The following CRADD variants were observed in gnomAD, a reference collection of about 807,000 sequenced individuals.
The protein encoded by CRADD is death domain-containing protein CRADD.
Under a neutral mutation model 15.5 loss-of-function variants are expected in CRADD, and 9 were observed. That is an observed-to-expected ratio of 0.58 (90% CI 0.35 to 1.01). CRADD has a LOEUF of 1.01. Among genes scored for constraint, CRADD ranks in the 50% least tolerant of loss-of-function variants. CRADD has a pLI of 0.02. For missense variants in CRADD, 227 were observed against 250.3 expected (o/e 0.91, Z 0.63); for synonymous variants, 118 against 107.6 (o/e 1.10, Z -0.60).
chr12:93,713,640 A>T (rs1956112966), intron 2 of CRADD, among the ~76,000 whole-genome samples: 1 of 151,722 alleles, frequency 6.6e-6, no homozygotes, highest in African/African-American at 2.4e-5. Context: ...TAATGGTTGT[A>T]TTGTTATTGT....
At chr12:93,833,822 G>GT (rs34377955) in intron 2 of CRADD, among the ~76,000 whole-genome samples, 89,872 of 150,716 alleles carry the variant, frequency 0.6, 27,179 homozygotes, top group East Asian at 0.72. Context: ...TTCATTTTGT[G>GT]TTTTTTTTTC....
chr12:93,889,523 C>T (rs545371813), intron 2 of CRADD, among the ~76,000 whole-genome samples: 2 of 152,288 alleles, frequency 1.3e-5, no homozygotes, highest in African/African-American at 2.4e-5. Flanking sequence ...CATCCTCACC[C>T]CCTCACCCTT....
chr12:93,889,185 G>C (rs139886338), intron 2 of CRADD, among the ~76,000 whole-genome samples: 216 of 152,258 alleles, frequency 1.4e-3, no homozygotes, highest in Non-Finnish European at 2.5e-3. Context: ...GTTTGTGCTT[G>C]TCGGACCATA....
chr12:93,835,019 G>A (rs1246725821), intron 2 of CRADD, among the ~76,000 whole-genome samples: 1 of 152,178 alleles, frequency 6.6e-6, no homozygotes, highest in Non-Finnish European at 1.5e-5. Flanking sequence ...TATAAACACT[G>A]CATCCTTTAT....
At chr12:93,844,718 A>T (rs1355534024) in intron 2 of CRADD, among the ~76,000 whole-genome samples, 1 of 152,218 alleles carries the variant, frequency 6.6e-6, no homozygotes, top group East Asian at 1.9e-4. Context: ...CAACCAACAG[A>T]ACGAAAATGC....
intron 2 of CRADD, among the ~76,000 whole-genome samples, chr12:93,821,774 C>T (rs1010380159): frequency 5.3e-5 from 8 of 152,080 alleles, no homozygotes; most frequent in Middle Eastern, 3.2e-3. Context: ...TGTTGCAGGA[C>T]GGTAGGGAGT....
chr12:93,732,125 A>G (rs1336834267), intron 2 of CRADD, among the ~76,000 whole-genome samples: 2 of 151,314 alleles, frequency 1.3e-5, no homozygotes, highest in African/African-American at 4.9e-5. Context: ...GACAAGAGTG[A>G]AATTCCGTCT....
chr12:93,819,838 G>A (rs1957749382), intron 2 of CRADD, among the ~76,000 whole-genome samples: 1 of 152,196 alleles, frequency 6.6e-6, no homozygotes, highest in African/African-American at 2.4e-5. Flanking sequence ...GCCAACAGAA[G>A]ACTTCAAAAA....
intron 2 of CRADD, among the ~76,000 whole-genome samples, chr12:93,740,449 G>A (rs894180220): frequency 4.6e-5 from 7 of 151,868 alleles, no homozygotes; most frequent in East Asian, 1.9e-4. Context: ...ACTTTTTTTC[G>A]AAAACCAATT....
chr12:93,708,001 A>G (rs1184547759), intron 2 of CRADD: 4 of 152,378 alleles, frequency 2.6e-5, no homozygotes, highest in African/African-American at 7.2e-5. Flanking sequence ...GAAAGATGTC[A>G]GTCCTCTGAG....
intron 2 of CRADD, among the ~76,000 whole-genome samples, chr12:93,827,997 A>G (rs926726531): frequency 1.3e-5 from 2 of 152,220 alleles, no homozygotes; most frequent in African/African-American, 2.4e-5. Flanking sequence ...TCTTTCTGTG[A>G]CTGGCAAGCA....
At chr12:93,821,744 G>A (rs1202800935) in intron 2 of CRADD, among the ~76,000 whole-genome samples, 1 of 152,150 alleles carries the variant, frequency 6.6e-6, no homozygotes, top group Middle Eastern at 3.2e-3. Context: ...TTTGAGAGGG[G>A]CACAGCCTCT....
chr12:93,701,407 C>T (rs1035169871), intron 2 of CRADD, among the ~76,000 whole-genome samples: 4 of 152,102 alleles, frequency 2.6e-5, no homozygotes, highest in Non-Finnish European at 2.9e-5. Context: ...CTTCTTCTCT[C>T]TTTATGCTTT....
intron 2 of CRADD, among the ~76,000 whole-genome samples, chr12:93,767,361 TTC>T (rs1957037136): frequency 6.6e-6 from 1 of 152,236 alleles, no homozygotes; most frequent in Admixed American, 6.5e-5. Flanking sequence ...GGTCCCTTGT[TTC>T]ACTTTGTGTT....
chr12:93,732,660 G>C (rs987122017), intron 2 of CRADD, among the ~76,000 whole-genome samples: 2 of 152,208 alleles, frequency 1.3e-5, no homozygotes, highest in African/African-American at 4.8e-5. Flanking sequence ...GAGTCAGACA[G>C]ACCTGGGTTA....
At chr12:93,686,049 C>T (rs1211269953) in intron 2 of CRADD, among the ~76,000 whole-genome samples, 2 of 151,360 alleles carry the variant, frequency 1.3e-5, no homozygotes, top group Non-Finnish European at 2.9e-5. Flanking sequence ...CCTGTAATCC[C>T]TACACTTTGG....
downstream of CRADD, among the ~76,000 whole-genome samples, chr12:93,851,945 T>C (rs1958227353): frequency 6.6e-6 from 1 of 152,238 alleles, no homozygotes; most frequent in Admixed American, 6.5e-5. Context: ...ACCATATTCC[T>C]GTTACTAAAA....
At chr12:93,871,070 T>G (rs1328240321) in intron 2 of CRADD, among the ~76,000 whole-genome samples, 2 of 152,194 alleles carry the variant, frequency 1.3e-5, no homozygotes, top group Non-Finnish European at 2.9e-5. Context: ...AATTCAGAAT[T>G]TTTAATGGGA....
At chr12:93,827,125 C>T (rs1436740094) in intron 2 of CRADD, among the ~76,000 whole-genome samples, 1 of 152,126 alleles carries the variant, frequency 6.6e-6, no homozygotes, top group African/African-American at 2.4e-5. Context: ...TTTGATGTTT[C>T]CACACACTTA....
Sources: allele counts gnomAD v4.1 joint callset (sites outside exome capture counted in the v4.1 genomes callset), GRCh38; gene constraint gnomAD v4.1.1; transcripts MANE v1.5; gene names NCBI Gene and HGNC (gene_info 2026-07-23, HGNC 2026-07-21).